The following SCOC variants were observed in gnomAD, a reference collection of about 807,000 sequenced individuals.
SCOC encodes the protein short coiled coil protein.
Under a neutral mutation model 9.9 loss-of-function variants are expected in SCOC, and 7 were observed. The observed-to-expected ratio is 0.71, with a 90% CI of 0.40 to 1.33. SCOC has a LOEUF of 1.33. Ranked by LOEUF, SCOC falls within the 40% of genes most tolerant of loss-of-function variation. SCOC has a pLI of 0.01. For missense variants in SCOC, 66 were observed against 89.7 expected (o/e 0.74, Z 1.07); for synonymous variants, 19 against 28.2 (o/e 0.67, Z 1.03).
intron 1 of SCOC, among the ~76,000 whole-genome samples, chr4:140,296,929 A>G (rs1731657534): frequency 6.6e-6 from 1 of 151,978 alleles, no homozygotes; most frequent in Non-Finnish European, 1.5e-5. Flanking sequence ...GCTTTTATTT[A>G]CCTATTTCTC....
chr4:140,339,143 C>T (rs972609465), upstream of SCOC, among the ~76,000 whole-genome samples: 1 of 152,120 alleles, frequency 6.6e-6, no homozygotes, highest in Non-Finnish European at 1.5e-5. Flanking sequence ...AGAAATAATG[C>T]CACATATCTA....
chr4:140,338,787 A>G (rs1408960238), upstream of SCOC, among the ~76,000 whole-genome samples: 1 of 152,234 alleles, frequency 6.6e-6, no homozygotes, highest in Non-Finnish European at 1.5e-5. Flanking sequence ...CCACTGCTCA[A>G]TGAAATAAAA....
chr4:140,299,387 A>C (rs1028542759), intron 1 of SCOC, among the ~76,000 whole-genome samples: 1 of 152,218 alleles, frequency 6.6e-6, no homozygotes, highest in Non-Finnish European at 1.5e-5. Context: ...AAGAAAAATC[A>C]GTTCAGAATT....
intron 1 of SCOC, among the ~76,000 whole-genome samples, chr4:140,290,611 G>A (rs1014198805): frequency 1.3e-5 from 2 of 152,156 alleles, no homozygotes; most frequent in Admixed American, 6.5e-5. Context: ...CCAGGAGTTC[G>A]ACACCAACCT....
intron 1 of SCOC, among the ~76,000 whole-genome samples, chr4:140,328,366 T>C (rs550606461): frequency 2.6e-5 from 4 of 152,248 alleles, no homozygotes; most frequent in South Asian, 2.1e-4. Context: ...AAAGAGCAAA[T>C]TGATGAACAC....
chr4:140,366,791 A>C, intron 2 of SCOC: 2 of 1,274,164 alleles, frequency 1.6e-6, no homozygotes, highest in Non-Finnish European at 2.3e-6. Flanking sequence ...GTTGCAACCA[A>C]TTTTCTGGCA....
chr4:140,268,789 A>G (rs1205160295), intron 1 of SCOC, among the ~76,000 whole-genome samples: 1 of 152,180 alleles, frequency 6.6e-6, no homozygotes, highest in East Asian at 1.9e-4. Flanking sequence ...AACACTGGAG[A>G]CACAGATGAG....
chr4:140,317,402 A>T (rs1279683971), intron 1 of SCOC, among the ~76,000 whole-genome samples: 1 of 152,174 alleles, frequency 6.6e-6, no homozygotes, highest in East Asian at 1.9e-4. Context: ...CAGACATTGT[A>T]TGGAAAAGCA....
chr4:140,325,916 C>A (rs539724805), intron 1 of SCOC, among the ~76,000 whole-genome samples: 1 of 152,088 alleles, frequency 6.6e-6, no homozygotes, highest in Non-Finnish European at 1.5e-5. Context: ...TCATTCCAAA[C>A]GAGAAACAGC....
intron 2 of SCOC, among the ~76,000 whole-genome samples, chr4:140,358,406 GT>G (rs1381812952): frequency 3.3e-5 from 5 of 152,176 alleles, no homozygotes; most frequent in Non-Finnish European, 7.3e-5. Context: ...TAATGACTAA[GT>G]TTCCAAGCTC....
chr4:140,368,190 T>C (rs972641161), intron 2 of SCOC, among the ~76,000 whole-genome samples: 6 of 152,200 alleles, frequency 3.9e-5, no homozygotes, highest in Admixed American at 3.3e-4. Context: ...AACCCAGGTT[T>C]CTTCTTCTTC....
At chr4:140,298,985 T>G (rs1254749422) in intron 1 of SCOC, among the ~76,000 whole-genome samples, 1 of 152,022 alleles carries the variant, frequency 6.6e-6, no homozygotes, top group Non-Finnish European at 1.5e-5. Context: ...CTGGCTAATT[T>G]TTTCTATTTT....
chr4:140,327,642 T>C (rs1560702877), intron 1 of SCOC, among the ~76,000 whole-genome samples: 1 of 152,188 alleles, frequency 6.6e-6, no homozygotes, highest in Non-Finnish European at 1.5e-5. Flanking sequence ...AAATGTTTTG[T>C]TTGAAATGCT....
intron 2 of SCOC, among the ~76,000 whole-genome samples, chr4:140,349,541 C>T (rs1037597307): frequency 6.6e-6 from 1 of 152,074 alleles, no homozygotes; most frequent in Non-Finnish European, 1.5e-5. Context: ...TAGATATCTC[C>T]CAGGTGTCAA....
chr4:140,305,370 T>C lies in SCOC; in HGVS notation c.-18-38251T>C, dbSNP rs565361426. The stretch of plus-strand genomic sequence containing the variant: ...CATACTAGAGCAGTTCTAGATGTTA[T>C]AATTGCTGGGAGCTGGAGGGACAGA... On this transcript the variant is annotated intron_variant, in intron 1 of 4. Coordinates refer to the SCOC transcript ENST00000394205. 4.2e-4 allele frequency among the ~76,000 whole-genome samples: 64 copies of C among 152,318 alleles called. 1 individual carries two copies. The South Asian group carries it at 8.3e-3, about 20-fold the overall frequency.
chr4:140,377,702 A>G (rs1304425083), intron 1 of SCOC, among the ~76,000 whole-genome samples: 1 of 152,194 alleles, frequency 6.6e-6, no homozygotes, highest in Non-Finnish European at 1.5e-5. Flanking sequence ...GGCATTTTCA[A>G]ATTTCATGTT....
In SCOC at chr4:140,375,375, C is replaced by T. The variant is rs72629206; in HGVS notation, c.-51+1658C>T. ...ATTCTCACAACAAACCCATGAGATA[C>T]GTACGGTTATTATCCACATTTTACA... On this transcript the variant is annotated intron_variant, in intron 1 of 3. Transcript: ENST00000608372. Among the ~76,000 whole-genome samples the T allele has an allele frequency of 1.8e-3, 270 of 152,296 alleles. 2 individuals are homozygous for T. In the East Asian group the frequency reaches 0.023, roughly 13 times the overall value.
chr4:140,310,782 G>GA (rs1560695032), intron 1 of SCOC, among the ~76,000 whole-genome samples: 1 of 152,110 alleles, frequency 6.6e-6, no homozygotes, highest in Admixed American at 6.5e-5. Context: ...ATCTCCCCCC[G>GA]AGGGTGGGTG....
intron 2 of SCOC, among the ~76,000 whole-genome samples, chr4:140,367,137 G>A (rs1476862427): frequency 1.3e-5 from 2 of 151,880 alleles, no homozygotes; most frequent in Admixed American, 6.6e-5. Flanking sequence ...CCTGGGAGGT[G>A]CAGGTTGCAG....
Sources: gnomAD v4.1 joint callset for allele counts (sites outside exome capture counted in the v4.1 genomes callset) on GRCh38, gnomAD v4.1.1 for gene constraint, MANE v1.5 for transcripts, NCBI Gene and HGNC (gene_info 2026-07-23, HGNC 2026-07-21) for gene names.